VWA8: variants seen among roughly 807,000 people sequenced by gnomAD.
VWA8 encodes the protein von Willebrand factor A domain containing 8.
In VWA8, 221 loss-of-function variants were observed where a neutral mutation model predicts 241.5. The ratio of observed to expected loss-of-function variants is 0.91; its 90% CI spans 0.82 to 1.02. The LOEUF (loss-of-function observed/expected upper bound fraction) is 1.02. Among genes scored for constraint, VWA8 ranks in the 50% least tolerant of loss-of-function variants. The pLI is 0.00. For synonymous variants in VWA8, 852 were observed against 827.1 expected, an observed-to-expected ratio of 1.03 and a Z score of -0.52; for missense variants, 2,322 against 2,328.7, an observed-to-expected ratio of 1.00 and a Z score of 0.06.
chr13:41,771,835 G>A (rs913153407), intron 20 of VWA8, among the ~76,000 whole-genome samples: 1 of 150,096 alleles, frequency 6.7e-6, no homozygotes, highest in Non-Finnish European at 1.5e-5. Flanking sequence ...GCCCACCTTG[G>A]CCTCCCAAAA....
chr13:41,636,256 C>T (rs1266399947), intron 37 of VWA8, among the ~76,000 whole-genome samples: 1 of 152,062 alleles, frequency 6.6e-6, no homozygotes, highest in Non-Finnish European at 1.5e-5. Context: ...AGAACAGAGG[C>T]CTCAGAAATA....
intron 37 of VWA8, among the ~76,000 whole-genome samples, chr13:41,667,577 A>G (rs1202703257): frequency 6.6e-6 from 1 of 152,190 alleles, no homozygotes; most frequent in Non-Finnish European, 1.5e-5. Flanking sequence ...GATTTCTTTT[A>G]ATTAGAAAAT....
intron 37 of VWA8, among the ~76,000 whole-genome samples, chr13:41,668,615 G>A (rs1431450983): frequency 6.6e-6 from 1 of 152,114 alleles, no homozygotes; most frequent in Admixed American, 6.6e-5. Flanking sequence ...TTTAGGTTTG[G>A]TTGTATAAAC....
At position 41,784,727 on chromosome 13, in the gene VWA8, T is replaced by TATATATATATATATATAC. The variant is rs1555335045; in HGVS notation, c.2171-827_2171-826insGTATATATATATATATAT. On this transcript the variant is annotated intron_variant, in intron 18 of 44. Coordinates refer to ENST00000379310, the MANE Select transcript of VWA8 (RefSeq NM_015058.2). Reference sequence around the variant, plus strand: ...ATATATATATATATATATATATATATATACACACACATATATATATATATA... The same window carrying TATATATATATATATATAC: ...ATATATATATATATATATATATATATATATATATATATATATACATACACACACATATATATATATATA... Among the ~76,000 whole-genome samples, 307 of 68,876 alleles carry TATATATATATATATATAC rather than the reference T, an allele frequency of 4.5e-3. 19 individuals carry two copies. Among genetic ancestry groups the TATATATATATATATATAC allele is most frequent in the Non-Finnish European group, 6.9e-3 (216 of 31,406 alleles). 45.2% of individuals were successfully genotyped at this position (68,876 alleles called of 152,430 possible). A position where few individuals can be genotyped will look rare whatever the true frequency, so the allele number is the denominator to read the frequency against.
At chr13:41,570,031 G>GTA (rs1396409425) in intron 44 of VWA8, among the ~76,000 whole-genome samples, 1 of 152,002 alleles carries the variant, frequency 6.6e-6, no homozygotes, top group African/African-American at 2.4e-5. Flanking sequence ...ACATATGTGT[G>GTA]TATATATATG....
chr13:41,601,976 C>T (rs1415971961), intron 40 of VWA8, among the ~76,000 whole-genome samples: 1 of 152,046 alleles, frequency 6.6e-6, no homozygotes, highest in African/African-American at 2.4e-5. Flanking sequence ...ACATAGCAAC[C>T]TCAAAACAGC....
chr13:41,777,292 A>C (rs920500279), intron 20 of VWA8, among the ~76,000 whole-genome samples: 3 of 152,202 alleles, frequency 2.0e-5, no homozygotes, highest in African/African-American at 7.2e-5. Context: ...GGAAAAACCT[A>C]TTCAGCCAGG....
chr13:41,865,919 A>G lies in VWA8; in HGVS notation c.1330T>C (p.Cys444Arg), dbSNP rs902070992. 4.3e-6 allele frequency: 7 copies of G among 1,614,224 alleles called. No individual in the cohort carries two copies. The highest frequency in any genetic ancestry group is 1.3e-5 in the African/African-American group (1 of 75,060). Residue 444 changes from cysteine to arginine, a missense_variant, in exon 11 of 45, where the codon TGT (cysteine) becomes CGT (arginine). Coordinates refer to ENST00000379310, the MANE Select transcript of VWA8 (RefSeq NM_015058.2). ...MMQSHMVKDI[C>R]LIGGKGCGKT... ...ATTCTTACCTTTCCTCCAATTAAAC[A>G]TATATCTTTAACCATGTGAGACTGC...
intron 44 of VWA8, among the ~76,000 whole-genome samples, chr13:41,568,922 T>C (rs2044281505): frequency 6.6e-6 from 1 of 151,566 alleles, no homozygotes; most frequent in African/African-American, 2.5e-5. Context: ...AAAAAACTTA[T>C]AATGGGTTTT....
chr13:41,793,917 C>T (rs1418601475), intron 17 of VWA8, among the ~76,000 whole-genome samples: 8 of 152,156 alleles, frequency 5.3e-5, no homozygotes, highest in African/African-American at 1.4e-4. Flanking sequence ...CCATTGTTTT[C>T]GTCAGGTTTG....
intron 17 of VWA8, among the ~76,000 whole-genome samples, chr13:41,801,204 TCTAA>T (rs1869944625): frequency 6.6e-6 from 1 of 152,020 alleles, no homozygotes; most frequent in South Asian, 2.1e-4. Context: ...CCAGGGCATA[TCTAA>T]CAGTCTGCAG....
intron 12 of VWA8, among the ~76,000 whole-genome samples, chr13:41,863,450 TATATTC>T (rs1566485471): frequency 9.3e-6 from 1 of 107,762 alleles, no homozygotes; most frequent in Non-Finnish European, 2.1e-5. Flanking sequence ...TATATATATA[TATATTC>T]ACACACACAC....
At chr13:41,841,500 C>G (rs1871998149) in intron 12 of VWA8, among the ~76,000 whole-genome samples, 1 of 151,820 alleles carries the variant, frequency 6.6e-6, no homozygotes, top group African/African-American at 2.4e-5. Flanking sequence ...AAAATATAAA[C>G]AGTAGGCCGG....
intron 28 of VWA8, among the ~76,000 whole-genome samples, chr13:41,699,472 T>C (rs1475917325): frequency 6.6e-6 from 1 of 152,220 alleles, no homozygotes; most frequent in Non-Finnish European, 1.5e-5. Flanking sequence ...AGGTCACACC[T>C]ACCTACTTGA....
intron 2 of VWA8, among the ~76,000 whole-genome samples, chr13:41,927,648 G>A (rs36057243): frequency 1.3e-5 from 2 of 151,984 alleles, no homozygotes; most frequent in African/African-American, 4.8e-5. Flanking sequence ...AAAGCATAGT[G>A]TTATAGAAAA....
At position 41,878,976 on chromosome 13, in the gene VWA8, T is replaced by G. The variant is rs1317685296; in HGVS notation, c.1080+4411A>C. ...TCTCAGTTTTTTTCACAAAAAACAT[T>G]ACATTGCTTCATTTTATCAGAACTT... On this transcript the variant is annotated intron_variant, in intron 9 of 44. Transcript: ENST00000379310. 3.3e-5 allele frequency among the ~76,000 whole-genome samples: 5 copies of G among 152,258 alleles called. No individual in the cohort carries two copies. In the East Asian group the frequency reaches 9.6e-4, roughly 29 times the overall value.
chr13:41,726,920 G>A (rs549264124), intron 24 of VWA8, among the ~76,000 whole-genome samples: 50 of 152,158 alleles, frequency 3.3e-4, no homozygotes, highest in African/African-American at 1.1e-3. Flanking sequence ...GCTTGAACCC[G>A]GGTGGCGGAA....
intron 2 of VWA8, chr13:41,926,209 T>G (rs1277891103): frequency 1.4e-6 from 1 of 690,396 alleles, no homozygotes; most frequent in African/African-American, 1.8e-5. Context: ...ATCACACTGC[T>G]GTCTCCCCAC....
chr13:41,931,838 A>G (rs1356259552), intron 2 of VWA8, among the ~76,000 whole-genome samples: 1 of 152,188 alleles, frequency 6.6e-6, no homozygotes, highest in Non-Finnish European at 1.5e-5. Context: ...AAAATTTTAC[A>G]GCACTAATTG....
Sources: gnomAD v4.1 joint callset for allele counts (sites outside exome capture counted in the v4.1 genomes callset) on GRCh38, gnomAD v4.1.1 for gene constraint, MANE v1.5 for transcripts, NCBI Gene and HGNC (gene_info 2026-07-23, HGNC 2026-07-21) for gene names.